Variants in COMMD10 observed in about 807,000 individuals in gnomAD.
COMMD10 encodes COMM domain-containing protein 10.
COMMD10 carries 33 observed loss-of-function variants against 28.9 expected under a neutral mutation model. The ratio of observed to expected loss-of-function variants is 1.14; its 90% CI spans 0.87 to 1.53. The LOEUF is 1.53. COMMD10 is among the 40% of genes most tolerant of loss of function. COMMD10 has a pLI of 0.00. For synonymous variants in COMMD10, 110 were observed against 81.7 expected, an observed-to-expected ratio of 1.35 and a Z score of -1.87; for missense variants, 310 against 233.4, an observed-to-expected ratio of 1.33 and a Z score of -2.14.
chr5:116,197,255 A>G (rs188108424), intron 5 of COMMD10, among the ~76,000 whole-genome samples: 21 of 151,658 alleles, frequency 1.4e-4, no homozygotes, highest in Non-Finnish European at 2.1e-4. Context: ...AAGACTTACT[A>G]AGAAATTAAC....
At chr5:116,238,307 TAAG>T (rs1749731145) in intron 5 of COMMD10, among the ~76,000 whole-genome samples, 1 of 152,204 alleles carries the variant, frequency 6.6e-6, no homozygotes, top group African/African-American at 2.4e-5. Flanking sequence ...GCATGACAAT[TAAG>T]AACAGAGTTT....
chr5:116,199,792 T>C (rs1748615936), intron 5 of COMMD10, among the ~76,000 whole-genome samples: 1 of 152,146 alleles, frequency 6.6e-6, no homozygotes, highest in Non-Finnish European at 1.5e-5. Context: ...AGGGTCTCGC[T>C]ATGTTGCCCA....
chr5:116,220,195 T>A (rs1416994448), intron 5 of COMMD10, among the ~76,000 whole-genome samples: 1 of 152,146 alleles, frequency 6.6e-6, no homozygotes, highest in Non-Finnish European at 1.5e-5. Context: ...CCAAAAATTG[T>A]TTGTAGGTAC....
chr5:116,131,527 C>T (rs1751863006), intron 4 of COMMD10, among the ~76,000 whole-genome samples: 1 of 151,892 alleles, frequency 6.6e-6, no homozygotes, highest in South Asian at 2.1e-4. Flanking sequence ...TTTTTTCTTC[C>T]TCTTTCATAC....
intron 5 of COMMD10, among the ~76,000 whole-genome samples, chr5:116,190,379 A>T (rs1045583570): frequency 1.3e-4 from 20 of 152,232 alleles, no homozygotes. Context: ...ATGTTGTGGA[A>T]TTCTACTTAC....
intron 4 of COMMD10, among the ~76,000 whole-genome samples, chr5:116,122,357 C>T (rs1485568293): frequency 6.6e-6 from 1 of 152,126 alleles, no homozygotes; most frequent in Non-Finnish European, 1.5e-5. Context: ...GTTTTGGTAC[C>T]AGTACCATGC....
rs548172628 is a variant in COMMD10 at position 116,168,529 on chromosome 5, ATTC to A, written c.510+34356_510+34358del. ...CTCCACCCCAATCAACAGAGTATAT[ATTC>A]TTCTCAGCACTGCATCCCGCACTTA... On this transcript the variant is annotated intron_variant, in intron 5 of 6. Coordinates refer to ENST00000274458, the MANE Select transcript of COMMD10 (RefSeq NM_016144.4). 4.3e-3 allele frequency among the ~76,000 whole-genome samples: 652 copies of A among 152,304 alleles called. 1 individual carries two copies. Among genetic ancestry groups the A allele is most frequent in the African/African-American group, 6.7e-3 (277 of 41,568 alleles).
At chr5:116,143,341 A>G (rs1475596134) in intron 5 of COMMD10, among the ~76,000 whole-genome samples, 3 of 151,758 alleles carry the variant, frequency 2.0e-5, no homozygotes, top group East Asian at 1.9e-4. Context: ...CACAATATTA[A>G]TACACCATTA....
chr5:116,279,358 T>C (rs1452564319), intron 5 of COMMD10, among the ~76,000 whole-genome samples: 1 of 151,928 alleles, frequency 6.6e-6, no homozygotes, highest in African/African-American at 2.4e-5. Context: ...AGTTATTCGA[T>C]TGATTTAACA....
chr5:116,218,753 C>T (rs997390700), intron 5 of COMMD10, among the ~76,000 whole-genome samples: 1 of 152,076 alleles, frequency 6.6e-6, no homozygotes, highest in Non-Finnish European at 1.5e-5. Flanking sequence ...TAGGGACAGT[C>T]CTGAATAGTA....
intron 5 of COMMD10, among the ~76,000 whole-genome samples, chr5:116,220,606 T>G (rs997219558): frequency 1.2e-4 from 19 of 152,282 alleles, no homozygotes; most frequent in African/African-American, 4.3e-4. Context: ...ACCCAAGCAT[T>G]GTATAAACAC....
intron 4 of COMMD10, among the ~76,000 whole-genome samples, chr5:116,123,636 A>G (rs1262803001): frequency 6.6e-6 from 1 of 152,272 alleles, no homozygotes; most frequent in Admixed American, 6.5e-5. Context: ...ATAGTTTCAG[A>G]AGGAATGGTA....
chr5:116,112,689 A>G (rs1751091879), intron 4 of COMMD10, among the ~76,000 whole-genome samples: 1 of 152,112 alleles, frequency 6.6e-6, no homozygotes, highest in Non-Finnish European at 1.5e-5. Context: ...CCACCGCTAT[A>G]TGGCCTATAG....
chr5:116,282,576 G>A (rs1751100527), intron 5 of COMMD10, among the ~76,000 whole-genome samples: 1 of 151,844 alleles, frequency 6.6e-6, no homozygotes, highest in Admixed American at 6.6e-5. Flanking sequence ...CCATAACAAA[G>A]TAACACAAAC....
intron 5 of COMMD10, among the ~76,000 whole-genome samples, chr5:116,224,504 G>T (rs181991793): frequency 6.6e-6 from 1 of 152,196 alleles, no homozygotes; most frequent in African/African-American, 2.4e-5. Flanking sequence ...TTACAATCAT[G>T]GTGGAAGGCA....
chr5:116,191,217 A>C (rs1748360808), intron 5 of COMMD10, among the ~76,000 whole-genome samples: 1 of 152,116 alleles, frequency 6.6e-6, no homozygotes, highest in Non-Finnish European at 1.5e-5. Flanking sequence ...CCAGAGGAGC[A>C]GGGGGCAAAA....
At chr5:116,224,665 T>TAC (rs1554104539) in intron 5 of COMMD10, among the ~76,000 whole-genome samples, 3 of 151,978 alleles carry the variant, frequency 2.0e-5, no homozygotes, top group African/African-American at 7.3e-5. Flanking sequence ...TGAGGGATCT[T>TAC]CCCCCAAGCC....
At position 116,231,435 on chromosome 5, in the gene COMMD10, A is replaced by T. The variant is rs568145219; in HGVS notation, c.511-60082A>T. Among the ~76,000 whole-genome samples the T allele has an allele frequency of 6.6e-5, 10 of 152,264 alleles. No individual in the cohort carries two copies. The South Asian group carries it at 2.1e-3, about 32-fold the overall frequency. On this transcript the variant is annotated intron_variant, in intron 5 of 6. Coordinates refer to ENST00000274458, the MANE Select transcript of COMMD10 (RefSeq NM_016144.4). ...AAAATGGTAGAGGTAAGGGGTCAGTAAGAGGACTTCTGAGGATGCAGGTAA... is the reference window on the plus strand; with the variant it reads ...AAAATGGTAGAGGTAAGGGGTCAGTTAGAGGACTTCTGAGGATGCAGGTAA...
intron 5 of COMMD10, among the ~76,000 whole-genome samples, chr5:116,245,184 C>T (rs997231671): frequency 6.6e-6 from 1 of 152,050 alleles, no homozygotes; most frequent in Non-Finnish European, 1.5e-5. Flanking sequence ...ACTGACCCCA[C>T]AGAAATATAA....
Sources: gnomAD v4.1 joint callset for allele counts (sites outside exome capture counted in the v4.1 genomes callset) on GRCh38, gnomAD v4.1.1 for gene constraint, MANE v1.5 for transcripts, NCBI Gene and HGNC (gene_info 2026-07-23, HGNC 2026-07-21) for gene names.